DNAH11: variants seen among roughly 807,000 people sequenced by gnomAD.
The protein encoded by DNAH11 is axonemal beta dynein heavy chain 11.
Under a neutral mutation model 526.0 loss-of-function variants are expected in DNAH11, and 442 were observed. The ratio of observed to expected loss-of-function variants is 0.84; its 90% CI spans 0.78 to 0.91. The LOEUF is 0.91. Among genes scored for constraint, DNAH11 ranks in the 40% least tolerant of loss-of-function variants. The pLI, the probability that DNAH11 is intolerant of heterozygous loss-of-function variation, is 0.00. For synonymous variants in DNAH11, 2,461 were observed against 1,935.9 expected, an observed-to-expected ratio of 1.27 and a Z score of -7.12; for missense variants, 6,989 against 5,448.7, an observed-to-expected ratio of 1.28 and a Z score of -8.90.
chr7:21,549,164 C>G (rs146564857), intron 2 of DNAH11, among the ~76,000 whole-genome samples: 4 of 152,280 alleles, frequency 2.6e-5, no homozygotes, highest in Admixed American at 2.6e-4. Context: ...CAGGCATGAG[C>G]CACCGTACCT....
rs1024217221 is a variant in DNAH11 at position 21,899,258 on chromosome 7, A to T, written c.13050-78A>T. ...TCTCCTCCACCACCACCCTGCCCTA[A>T]CCGCCCACAACAGAACATACTGGAA... On this transcript the variant is annotated intron_variant, in intron 79 of 81. Transcript: ENST00000409508. 6 of 1,173,370 alleles carry T rather than the reference A, an allele frequency of 5.1e-6. No homozygotes were observed. In the Admixed American group the frequency reaches 1.0e-4, roughly 20 times the overall value. 72.7% of individuals were successfully genotyped at this position (1,173,370 alleles called of 1,614,324 possible).
chr7:21,632,005 T>C (rs1280992829), intron 25 of DNAH11, among the ~76,000 whole-genome samples: 1 of 152,230 alleles, frequency 6.6e-6, no homozygotes, highest in Non-Finnish European at 1.5e-5. Flanking sequence ...TCCATGCATC[T>C]TGTGAAATCT....
At chr7:21,559,901 C>A in intron 4 of DNAH11, 109 bp downstream of exon 4, 1 of 943,726 alleles carries the variant, frequency 1.1e-6, no homozygotes, top group Non-Finnish European at 1.6e-6. Flanking sequence ...ATTTACTGGT[C>A]TGCCCTCTTT....
chr7:21,887,734 G>C (rs191648684), intron 76 of DNAH11, among the ~76,000 whole-genome samples: 1 of 152,228 alleles, frequency 6.6e-6, no homozygotes, highest in African/African-American at 2.4e-5. Context: ...TGATAACAAT[G>C]GGAATCCTTT....
intron 43 of DNAH11, 115 bp from the exon 44 acceptor site, chr7:21,720,610 A>C: frequency 8.4e-7 from 1 of 1,193,378 alleles, no homozygotes; most frequent in Non-Finnish European, 1.1e-6. Flanking sequence ...GTAGCAAATC[A>C]CAGCTGGGAA....
intron 30 of DNAH11, among the ~76,000 whole-genome samples, chr7:21,662,592 C>T (rs1782280599): frequency 6.6e-6 from 1 of 151,990 alleles, no homozygotes; most frequent in Non-Finnish European, 1.5e-5. Flanking sequence ...ATTTGCGTTA[C>T]CTCACTTTTT....
intron 73 of DNAH11, 76 bp downstream of exon 73, chr7:21,869,067 G>A: frequency 6.3e-6 from 10 of 1,592,772 alleles, no homozygotes; most frequent in South Asian, 1.1e-5. Context: ...CCGCCCAACA[G>A]AATGCTCCCT....
chr7:21,698,285 G>T, intron 36 of DNAH11, 72 bp downstream of exon 36: 4 of 1,573,046 alleles, frequency 2.5e-6, no homozygotes, highest in Non-Finnish European at 2.6e-6. Flanking sequence ...TGGATTTTAG[G>T]TAATTTATCA....
intron 45 of DNAH11, among the ~76,000 whole-genome samples, chr7:21,728,055 A>G (rs1477172244): frequency 2.0e-5 from 3 of 151,986 alleles, no homozygotes; most frequent in Non-Finnish European, 4.4e-5. Flanking sequence ...TAACTTAATT[A>G]TCTCTTTTAT....
chr7:21,676,175 A>G (rs1174039774), intron 30 of DNAH11, among the ~76,000 whole-genome samples: 1 of 152,206 alleles, frequency 6.6e-6, no homozygotes, highest in East Asian at 1.9e-4. Context: ...TTCTAGTTCA[A>G]GATACATGCT....
At chr7:21,579,361 C>G (rs1784225284) in intron 8 of DNAH11, among the ~76,000 whole-genome samples, 1 of 152,112 alleles carries the variant, frequency 6.6e-6, no homozygotes, top group Non-Finnish European at 1.5e-5. Context: ...AAAAATAAAC[C>G]TGGCAGTTAC....
At chr7:21,870,217 C>T (rs1012791250) in intron 73 of DNAH11, among the ~76,000 whole-genome samples, 2 of 152,132 alleles carry the variant, frequency 1.3e-5, no homozygotes, top group African/African-American at 2.4e-5. Flanking sequence ...GGTGACATTC[C>T]TGAAAATAGC....
At chr7:21,722,376 AATAG>A (rs1784914114) in intron 44 of DNAH11, among the ~76,000 whole-genome samples, 1 of 152,230 alleles carries the variant, frequency 6.6e-6, no homozygotes. Flanking sequence ...TTACATTAAA[AATAG>A]ATAGCACACA....
chr7:21,891,385 C>G (rs1003454266), intron 76 of DNAH11, among the ~76,000 whole-genome samples: 2 of 152,054 alleles, frequency 1.3e-5, no homozygotes, highest in Non-Finnish European at 2.9e-5. Flanking sequence ...ACAGGATTTA[C>G]GGTGCAAGAG....
At position 21,892,930 on chromosome 7, in the gene DNAH11, G is replaced by A. The variant is rs9639402; in HGVS notation, c.12750+263G>A. Among the ~76,000 whole-genome samples the A allele has an allele frequency of 0.21, 32,110 of 151,994 alleles. 3,657 individuals carry two copies. Among genetic ancestry groups the A allele is most frequent in the East Asian group, 0.39 (2,025 of 5,158 alleles). On this transcript the variant is annotated intron_variant, in intron 77 of 81. Coordinates refer to ENST00000409508, the MANE Select transcript of DNAH11 (RefSeq NM_001277115.2). Reference sequence around the variant, plus strand: ...TAGCTTTACCTGATTCCAAATATATGGAATCATACAGTGCGCATTCATCCA... The same window carrying A: ...TAGCTTTACCTGATTCCAAATATATAGAATCATACAGTGCGCATTCATCCA...
chr7:21,582,606 C>T (rs576118476), intron 9 of DNAH11, among the ~76,000 whole-genome samples: 86 of 152,086 alleles, frequency 5.7e-4, no homozygotes, highest in African/African-American at 2.0e-3. Flanking sequence ...TGATGAAATA[C>T]AGTTAAGAGT....
In DNAH11 at chr7:21,759,098, G is replaced by A. The variant is rs968315495; in HGVS notation, c.8941-6330G>A. ...GGAACGCAGTCTGTGACCAGTGCAGGCCCTGGTGACAAGCATGGCAGCTGA... is the reference window on the plus strand; with the variant it reads ...GGAACGCAGTCTGTGACCAGTGCAGACCCTGGTGACAAGCATGGCAGCTGA... On this transcript the variant is annotated intron_variant, in intron 54 of 81. Coordinates refer to ENST00000409508, the MANE Select transcript of DNAH11 (RefSeq NM_001277115.2). Among the ~76,000 whole-genome samples, 4 of 152,302 alleles carry A rather than the reference G, an allele frequency of 2.6e-5. No homozygotes were observed. In the East Asian group the frequency reaches 7.7e-4, roughly 29 times the overall value.
intron 58 of DNAH11, 139 bp from the exon 59 acceptor site, chr7:21,786,485 T>G: frequency 9.6e-7 from 1 of 1,040,448 alleles, no homozygotes; most frequent in Non-Finnish European, 1.3e-6. Context: ...AGTCCCCAGG[T>G]GGCAAAGAAT....
intron 26 of DNAH11, among the ~76,000 whole-genome samples, chr7:21,636,822 T>G (rs1051216464): frequency 2.0e-5 from 3 of 152,176 alleles, no homozygotes; most frequent in African/African-American, 4.8e-5. Flanking sequence ...CACCATAGAT[T>G]GCCGACCTTT....
Sources: gnomAD v4.1 joint callset for allele counts (sites outside exome capture counted in the v4.1 genomes callset) on GRCh38, gnomAD v4.1.1 for gene constraint, MANE v1.5 for transcripts, NCBI Gene and HGNC (gene_info 2026-07-23, HGNC 2026-07-21) for gene names.